FBXL17: variants seen among roughly 807,000 people sequenced by gnomAD.
FBXL17 encodes F-box and leucine rich repeat protein 17.
Under a neutral mutation model 66.2 loss-of-function variants are expected in FBXL17, and 22 were observed. The observed-to-expected ratio is 0.33, with a 90% confidence interval of 0.24 to 0.47. FBXL17 has a LOEUF of 0.47. Ranked by LOEUF, FBXL17 falls within the 20% of genes least tolerant of loss-of-function variation. The pLI is 1.00. For missense variants in FBXL17, 878 were observed against 948.2 expected, an observed-to-expected ratio of 0.93 and a Z score of 0.97; for synonymous variants, 474 against 400.5, an observed-to-expected ratio of 1.18 and a Z score of -2.19.
At chr5:108,304,420 A>T (rs1280150852) in intron 4 of FBXL17, among the ~76,000 whole-genome samples, 1 of 151,916 alleles carries the variant, frequency 6.6e-6, no homozygotes, top group Non-Finnish European at 1.5e-5. Flanking sequence ...TTATCATGAA[A>T]AGTTTCCTGA....
At chr5:108,155,433 G>A (rs1177105551) in intron 6 of FBXL17, among the ~76,000 whole-genome samples, 1 of 151,958 alleles carries the variant, frequency 6.6e-6, no homozygotes, top group Non-Finnish European at 1.5e-5. Context: ...GAGAATCACT[G>A]GAACCCAGGA....
At chr5:107,884,346 G>A (rs912190358) in intron 7 of FBXL17, among the ~76,000 whole-genome samples, 4 of 152,060 alleles carry the variant, frequency 2.6e-5, no homozygotes, top group Non-Finnish European at 5.9e-5. Context: ...AGAAAACAGA[G>A]GTTCAACAGC....
At chr5:107,965,037 C>T (rs751538563) in intron 7 of FBXL17, among the ~76,000 whole-genome samples, 1 of 152,018 alleles carries the variant, frequency 6.6e-6, no homozygotes, top group African/African-American at 2.4e-5. Context: ...ACACCAGGAC[C>T]CTAAATCAGT....
At chr5:108,329,034 C>T (rs1246382096) in intron 4 of FBXL17, among the ~76,000 whole-genome samples, 1 of 152,040 alleles carries the variant, frequency 6.6e-6, no homozygotes, top group Non-Finnish European at 1.5e-5. Flanking sequence ...CTCCAAGGTG[C>T]TTTTCATTAT....
At chr5:107,972,265 G>A (rs2112651722) in intron 7 of FBXL17, among the ~76,000 whole-genome samples, 1 of 152,316 alleles carries the variant, frequency 6.6e-6, no homozygotes, top group South Asian at 2.1e-4. Context: ...ATTGTATGTT[G>A]AATTTATCAA....
At chr5:108,118,830 C>T (rs191764694) in intron 6 of FBXL17, among the ~76,000 whole-genome samples, 243 of 152,316 alleles carry the variant, frequency 1.6e-3, no homozygotes, top group African/African-American at 5.7e-3. Flanking sequence ...CTTCCAAGTA[C>T]ACACAGTGAT....
At chr5:108,178,472 T>C (rs1355191118) in intron 6 of FBXL17, among the ~76,000 whole-genome samples, 1 of 152,208 alleles carries the variant, frequency 6.6e-6, no homozygotes, top group African/African-American at 2.4e-5. Context: ...GTCAAAAATA[T>C]GCTTACCTCA....
intron 4 of FBXL17, among the ~76,000 whole-genome samples, chr5:108,305,477 A>T (rs1019912770): frequency 3.9e-5 from 6 of 151,960 alleles, no homozygotes; most frequent in African/African-American, 1.4e-4. Context: ...GGAACTGAAA[A>T]GTTGAAGGGG....
At chr5:108,347,713 AT>A (rs953621843) in intron 4 of FBXL17, among the ~76,000 whole-genome samples, 2 of 152,116 alleles carry the variant, frequency 1.3e-5, no homozygotes, top group East Asian at 1.9e-4. Flanking sequence ...TGGGCACAGG[AT>A]TTTTTTAGGG....
intron 2 of FBXL17, among the ~76,000 whole-genome samples, chr5:108,365,327 A>G (rs1748595850): frequency 6.6e-6 from 1 of 152,084 alleles, no homozygotes; most frequent in Admixed American, 6.6e-5. Context: ...GGGCGCCTAG[A>G]TGGCTTCAGA....
At chr5:108,062,597 A>G (rs1429283394) in intron 6 of FBXL17, among the ~76,000 whole-genome samples, 3 of 152,214 alleles carry the variant, frequency 2.0e-5, no homozygotes, top group African/African-American at 7.2e-5. Flanking sequence ...AACATATTAA[A>G]TATATAAACT....
chr5:107,891,408 C>T (rs1272612112), intron 7 of FBXL17, among the ~76,000 whole-genome samples: 1 of 152,086 alleles, frequency 6.6e-6, no homozygotes, highest in Non-Finnish European at 1.5e-5. Context: ...AAACTTTCAA[C>T]GAATTGCTCC....
At chr5:107,894,418 T>C (rs983763463) in intron 7 of FBXL17, among the ~76,000 whole-genome samples, 5 of 152,134 alleles carry the variant, frequency 3.3e-5, no homozygotes, top group African/African-American at 1.2e-4. Context: ...GAGGCAAAGA[T>C]GGGGGACATT....
chr5:108,026,674 A>C (rs1249709010), intron 6 of FBXL17, among the ~76,000 whole-genome samples: 3 of 152,184 alleles, frequency 2.0e-5, no homozygotes, highest in Non-Finnish European at 2.9e-5. Context: ...ATCTCCGGAC[A>C]CTCATTAAGT....
chr5:108,008,689 T>C (rs1580320633), intron 7 of FBXL17, among the ~76,000 whole-genome samples: 1 of 152,122 alleles, frequency 6.6e-6, no homozygotes, highest in Non-Finnish European at 1.5e-5. Flanking sequence ...ATTCAGAAAA[T>C]ATCATTCTGG....
chr5:108,162,643 CAAAAT>C (rs1752259539), intron 6 of FBXL17, among the ~76,000 whole-genome samples: 2 of 152,304 alleles, frequency 1.3e-5, no homozygotes, highest in South Asian at 4.1e-4. Flanking sequence ...TAATGTTTCT[CAAAAT>C]AGCTCACTTG....
chr5:108,306,965 G>A (rs1237356862), intron 4 of FBXL17, among the ~76,000 whole-genome samples: 1 of 151,570 alleles, frequency 6.6e-6, no homozygotes, highest in Non-Finnish European at 1.5e-5. Context: ...CCCATTTATT[G>A]GTTCTTACAC....
At chr5:107,933,167 G>A (rs1359143706) in intron 7 of FBXL17, among the ~76,000 whole-genome samples, 1 of 152,132 alleles carries the variant, frequency 6.6e-6, no homozygotes, top group Non-Finnish European at 1.5e-5. Context: ...ATGCTAAAGT[G>A]CCTTGTAAAT....
chr5:108,204,465 C>T (rs757377711), intron 5 of FBXL17, among the ~76,000 whole-genome samples: 12 of 152,096 alleles, frequency 7.9e-5, no homozygotes, highest in Non-Finnish European at 1.8e-4. Context: ...GGATTACAGG[C>T]ATGAGCCAAC....
Sources: allele counts gnomAD v4.1 joint callset (sites outside exome capture counted in the v4.1 genomes callset), GRCh38; gene constraint gnomAD v4.1.1; transcripts MANE v1.5; gene names NCBI Gene and HGNC (gene_info 2026-07-23, HGNC 2026-07-21).